The following ETV6 variants were observed in gnomAD, a reference collection of about 807,000 sequenced individuals.
ETV6 encodes the protein ETS variant transcription factor 6, also known as transcription factor ETV6.
In ETV6, 16 loss-of-function variants were observed where a neutral mutation model predicts 51.1. That is an observed-to-expected ratio of 0.31 (90% confidence interval 0.21 to 0.48). The LOEUF is 0.48. Among genes scored for constraint, ETV6 ranks in the 20% least tolerant of loss-of-function variants. The probability of loss-of-function intolerance (pLI) is 0.99; values close to 1 mark genes in which losing one functional copy is unlikely to be tolerated. For synonymous variants in ETV6, 240 were observed against 224.1 expected (o/e 1.07, Z -0.64); for missense variants, 458 against 594.8 (o/e 0.77, Z 2.39).
intron 1 of ETV6, among the ~76,000 whole-genome samples, chr12:11,651,128 T>C (rs1863898413): frequency 1.3e-5 from 2 of 152,258 alleles, no homozygotes; most frequent in African/African-American, 4.8e-5. Flanking sequence ...GCTGCATTTA[T>C]TGTACACTTT....
At chr12:11,797,264 CTT>C (rs1485303161) in intron 2 of ETV6, among the ~76,000 whole-genome samples, 7 of 143,242 alleles carry the variant, frequency 4.9e-5, no homozygotes, top group East Asian at 2.0e-4. Flanking sequence ...AAGTTACTCT[CTT>C]TAAGAAATTC....
At chr12:11,655,064 A>G (rs949595156) in intron 1 of ETV6, among the ~76,000 whole-genome samples, 6 of 152,316 alleles carry the variant, frequency 3.9e-5, no homozygotes, top group Middle Eastern at 3.4e-3. Context: ...ACACCAGGAA[A>G]GAGCTGGGGG....
At chr12:11,698,332 C>T (rs1864917708) in intron 1 of ETV6, among the ~76,000 whole-genome samples, 1 of 152,230 alleles carries the variant, frequency 6.6e-6, no homozygotes, top group Non-Finnish European at 1.5e-5. Context: ...TTTCTTATCT[C>T]AGTTTCTTTG....
In ETV6 at chr12:11,869,708, G is replaced by A. The variant is rs370744157; in HGVS notation, c.748G>A (p.Glu250Lys). 3.1e-6 allele frequency: 5 copies of A among 1,613,944 alleles called. No homozygotes were observed. Among genetic ancestry groups the A allele is most frequent in the African/African-American group, 1.3e-5 (1 of 75,012 alleles). Residue 250 changes from glutamate (E) to lysine (K), a missense_variant, in exon 5 of 8, where the codon GAG becomes AAG. Glu to Lys is a moderately conservative substitution (Grantham distance 56, BLOSUM62 1). This residue lies in a region of ETV6 where 293 missense variants were observed against 315.7 expected (regional missense o/e 0.93). Coordinates refer to ENST00000396373, the MANE Select transcript of ETV6 (RefSeq NM_001987.5). This position sits in a 1 kb window ranked among gnomAD's most constrained non-coding sequence, Gnocchi z 5.0. ...GAATAATCACTGCCCAGCGTCCTCC[G>A]AGTCCCACCCGAAGCCATCCAGCCC... ...MENNHCPASS[E>K]SHPKPSSPRQ... is the part of the protein sequence containing the mutation.
rs1312485940 is a variant in ETV6, at chr12:11,748,914, T to C, written c.34-3536T>C. ...TTTTTTTTAAAGCTTTCTATAATGG[T>C]TGGTGAAATTTACATTTCAACTCTT... is the stretch of plus-strand genomic sequence containing the variant. On this transcript the variant is annotated intron_variant, in intron 1 of 7. Coordinates refer to ENST00000396373, the MANE Select transcript of ETV6 (RefSeq NM_001987.5). 2.0e-5 allele frequency among the ~76,000 whole-genome samples: 3 copies of C among 152,186 alleles called. No homozygotes were observed. In the East Asian group the frequency reaches 5.8e-4, roughly 29 times the overall value.
chr12:11,656,948 C>A (rs1864010497), intron 1 of ETV6, among the ~76,000 whole-genome samples: 1 of 151,946 alleles, frequency 6.6e-6, no homozygotes, highest in South Asian at 2.1e-4. Flanking sequence ...TTCAGATATT[C>A]CCTCATTTTC....
At chr12:11,847,411 C>T (rs569107733) in intron 3 of ETV6, among the ~76,000 whole-genome samples, 2 of 152,264 alleles carry the variant, frequency 1.3e-5, no homozygotes, top group East Asian at 3.9e-4. Context: ...GTAGATTTAG[C>T]ATAGACGAGC....
At chr12:11,844,759 CAAAA>C (rs527793372) in intron 3 of ETV6, among the ~76,000 whole-genome samples, 5 of 88,534 alleles carry the variant, frequency 5.6e-5, no homozygotes, top group Admixed American at 1.2e-4. Flanking sequence ...TTGAGCAAGC[CAAAA>C]AAAAAAAAAA....
chr12:11,690,711 A>T (rs1864738236), intron 1 of ETV6, among the ~76,000 whole-genome samples: 1 of 151,806 alleles, frequency 6.6e-6, no homozygotes, highest in Non-Finnish European at 1.5e-5. Context: ...ACATGGTGAA[A>T]CCCCATCTCT....
At chr12:11,787,566 A>G (rs1275510417) in intron 2 of ETV6, among the ~76,000 whole-genome samples, 3 of 152,264 alleles carry the variant, frequency 2.0e-5, no homozygotes, top group East Asian at 3.9e-4. Flanking sequence ...CTAGAGTAAG[A>G]GATTTCTGGG....
chr12:11,709,312 C>A (rs1865131161), intron 1 of ETV6, among the ~76,000 whole-genome samples: 1 of 151,826 alleles, frequency 6.6e-6, no homozygotes, highest in Admixed American at 6.6e-5. Context: ...TCCTTTTTTT[C>A]TTTTTTGAAA....
At chr12:11,733,767 A>T (rs773794862) in intron 1 of ETV6, among the ~76,000 whole-genome samples, 28 of 152,176 alleles carry the variant, frequency 1.8e-4, no homozygotes, top group Non-Finnish European at 1.0e-4. Context: ...ACCAATATAC[A>T]CACACCCACA....
rs185119574 is a variant in ETV6 at position 11,787,145 on chromosome 12, G to A, written c.163+34566G>A. The stretch of plus-strand genomic sequence containing the variant: ...TTGTAAGGTTAAGCAAGCTGTGGAA[G>A]CATGAGGTTGCTCTGCTTATGGCTG... On this transcript the variant is annotated intron_variant, in intron 2 of 7. Coordinates refer to ENST00000396373, the MANE Select transcript of ETV6 (RefSeq NM_001987.5). Among the ~76,000 whole-genome samples, 4 of 152,326 alleles carry A rather than the reference G, an allele frequency of 2.6e-5. No individual in the cohort carries two copies. In the East Asian group the frequency reaches 7.7e-4, roughly 29 times the overall value.
At chr12:11,837,580 A>T (rs1403059947) in intron 2 of ETV6, among the ~76,000 whole-genome samples, 2 of 152,142 alleles carry the variant, frequency 1.3e-5, no homozygotes, top group Non-Finnish European at 2.9e-5. Flanking sequence ...CATATAGCAA[A>T]CCAGATTGTT....
chr12:11,707,196 G>A (rs762197101), intron 1 of ETV6, among the ~76,000 whole-genome samples: 8 of 152,122 alleles, frequency 5.3e-5, no homozygotes, highest in Non-Finnish European at 4.4e-5. Flanking sequence ...GAGGCTAGAC[G>A]TGAAAAAAAC....
At chr12:11,845,242 T>G (rs1473665652) in intron 3 of ETV6, among the ~76,000 whole-genome samples, 1 of 152,264 alleles carries the variant, frequency 6.6e-6, no homozygotes, top group Non-Finnish European at 1.5e-5. Flanking sequence ...GGTTCTACTT[T>G]AAACTTACTA....
chr12:11,892,718 G>GAAGT lies in ETV6; in HGVS notation c.*1673_*1676dup. On this transcript the variant is annotated 3_prime_UTR_variant, in exon 8 of 8. Transcript: ENST00000396373. ...GTGCCCTCAGCAGCAGCTCCCAGGT[G>GAAGT]AAGTTACCAGACCCCTGGGCTTCTC... 4.3e-6 allele frequency: 1 copy of GAAGT among 233,166 alleles called. No individual in the cohort carries two copies. The highest frequency in any genetic ancestry group is 8.5e-6 in the Non-Finnish European group (1 of 117,990). 14.4% of individuals were successfully genotyped at this position (233,166 alleles called of 1,614,324 possible).
chr12:11,665,522 A>G (rs1185577520), intron 1 of ETV6, among the ~76,000 whole-genome samples: 1 of 152,226 alleles, frequency 6.6e-6, no homozygotes, highest in Non-Finnish European at 1.5e-5. Flanking sequence ...TGATGGGTTC[A>G]TTTTTATATT....
chr12:11,662,582 G>A lies in ETV6; in HGVS notation c.33+12422G>A, dbSNP rs74062349. 1.5e-3 allele frequency among the ~76,000 whole-genome samples: 235 copies of A among 152,328 alleles called. 3 individuals are homozygous for A. Among genetic ancestry groups the A allele is most frequent in the African/African-American group, 5.3e-3 (220 of 41,554 alleles). On this transcript the variant is annotated intron_variant, in intron 1 of 7. Coordinates refer to ENST00000396373, the MANE Select transcript of ETV6 (RefSeq NM_001987.5). ...CTGTGGTCTTTGAAGGTTCACCATG[G>A]AGGAGGTGTGGGTGGATGAGAATAG...
Sources: gnomAD v4.1 joint callset for allele counts (sites outside exome capture counted in the v4.1 genomes callset) on GRCh38, gnomAD v4.1.1 for gene constraint, gnomAD v4.1.1 regional missense constraint, Gnocchi (gnomAD v3.1) non-coding constraint, MANE v1.5 for transcripts, NCBI Gene and HGNC (gene_info 2026-07-23, HGNC 2026-07-21) for gene names.